Variants in INTS4 observed in about 807,000 individuals in gnomAD.
The protein encoded by INTS4 is integrator complex subunit 4, also known as MSTP093.
A neutral mutation model predicts 119.5 loss-of-function variants in INTS4; 70 were observed. The observed-to-expected ratio is 0.59, with a 90% CI of 0.48 to 0.71. The LOEUF is 0.71. Ranked by LOEUF, INTS4 falls within the 30% of genes least tolerant of loss-of-function variation. The pLI is 0.00. For missense variants in INTS4, 867 were observed against 1,173.2 expected (o/e 0.74, Z 3.81); for synonymous variants, 316 against 419.6 (o/e 0.75, Z 3.02).
intron 7 of INTS4, among the ~76,000 whole-genome samples, chr11:77,956,665 C>T (rs1954329754): frequency 6.6e-6 from 1 of 150,484 alleles, no homozygotes; most frequent in Non-Finnish European, 1.5e-5. Flanking sequence ...CAAGATAGTG[C>T]CACTACACTC....
intron 15 of INTS4, chr11:77,918,371 T>C (rs372140943): frequency 2.7e-6 from 1 of 374,172 alleles, no homozygotes; most frequent in East Asian, 5.8e-5. Flanking sequence ...GAGCTGATAT[T>C]ATGCCACTGC....
At chr11:77,972,544 G>A (rs1289350835) in intron 4 of INTS4, among the ~76,000 whole-genome samples, 1 of 151,734 alleles carries the variant, frequency 6.6e-6, no homozygotes, top group Non-Finnish European at 1.5e-5. Context: ...AGCCTCCCCA[G>A]TAGCTGGGAT....
intron 1 of INTS4, 146 bp from the exon 2 acceptor site, chr11:77,991,445 G>C (rs187872439): frequency 1.0e-4 from 68 of 671,318 alleles, no homozygotes; most frequent in Non-Finnish European, 1.6e-4. Context: ...AAAGAGTACC[G>C]GGTTGGTGAC....
intron 15 of INTS4, among the ~76,000 whole-genome samples, chr11:77,916,284 T>C (rs1381525298): frequency 6.6e-5 from 10 of 152,158 alleles, no homozygotes; most frequent in African/African-American, 2.4e-4. Flanking sequence ...TAGAGTATAT[T>C]TACACAAATC....
At chr11:77,964,522 C>T (rs1023797576) in intron 4 of INTS4, among the ~76,000 whole-genome samples, 11 of 151,508 alleles carry the variant, frequency 7.3e-5, no homozygotes, top group African/African-American at 2.7e-4. Flanking sequence ...TGCAGTGAGC[C>T]GAGATCGCGC....
chr11:77,991,361 T>TG, intron 1 of INTS4, 62 bp from the exon 2 acceptor site: 1 of 1,308,686 alleles, frequency 7.6e-7, no homozygotes, highest in Non-Finnish European at 1.1e-6. Flanking sequence ...CCTCATTTGG[T>TG]GGAAATGATT....
chr11:77,957,786 A>C (rs1954368624), intron 7 of INTS4, among the ~76,000 whole-genome samples: 1 of 148,064 alleles, frequency 6.8e-6, no homozygotes, highest in South Asian at 2.1e-4. Flanking sequence ...CTCCTGCCTC[A>C]GCCTCCCTAG....
At position 77,922,432 on chromosome 11, in the gene INTS4, C is replaced by T. The variant is rs1953386575; in HGVS notation, c.1554G>A (p.Val518=). The change falls in exon 13 of 23, where the codon GTG becomes GTA. Residue 518 remains valine (V), a synonymous_variant. Transcript: ENST00000534064. ...KFLGSRHPTL[V]LPLVPELLST... ...TCAGAAGCTCTGGCACCAAGGGAAGCACCAGGGTTGGATGCCGACTTCCCA... is the reference window on the plus strand; with the variant it reads ...TCAGAAGCTCTGGCACCAAGGGAAGTACCAGGGTTGGATGCCGACTTCCCA... 1 of 1,507,216 alleles carries T rather than the reference C, an allele frequency of 6.6e-7. No homozygotes were observed. The highest frequency in any genetic ancestry group is 8.9e-7 in the Non-Finnish European group (1 of 1,124,162). 93.4% of individuals were successfully genotyped at this position (1,507,216 alleles called of 1,614,324 possible). A position where few individuals can be genotyped will look rare whatever the true frequency, so the allele number is the denominator to read the frequency against.
chr11:77,901,612 T>C (rs1320418839), intron 17 of INTS4, 61 bp from the exon 18 acceptor site: 2 of 1,302,988 alleles, frequency 1.5e-6, no homozygotes, highest in Non-Finnish European at 1.1e-6. Context: ...GAGAGCAGCA[T>C]AGAATTCTAC....
intron 21 of INTS4, among the ~76,000 whole-genome samples, chr11:77,886,527 G>A (rs1047011132): frequency 2.0e-5 from 3 of 152,198 alleles, no homozygotes; most frequent in Non-Finnish European, 4.4e-5. Context: ...TAAACGGCGG[G>A]AGTAACTATG....
chr11:77,988,441 T>G (rs761388251), intron 2 of INTS4, among the ~76,000 whole-genome samples: 1 of 152,068 alleles, frequency 6.6e-6, no homozygotes, highest in South Asian at 2.1e-4. Context: ...AACATAAAAA[T>G]CCCTGCTCAA....
chr11:77,924,116 C>T (rs1953434740), intron 12 of INTS4, among the ~76,000 whole-genome samples: 1 of 150,330 alleles, frequency 6.7e-6, no homozygotes, highest in African/African-American at 2.4e-5. Flanking sequence ...ATAATAAGGC[C>T]AGGCACAGTG....
chr11:77,925,707 G>T (rs1339700067), intron 11 of INTS4, among the ~76,000 whole-genome samples: 1 of 152,138 alleles, frequency 6.6e-6, no homozygotes, highest in African/African-American at 2.4e-5. Flanking sequence ...GGCCTACAAG[G>T]CTCTCCACCT....
intron 4 of INTS4, 54 bp from the exon 5 acceptor site, chr11:77,961,192 T>G: frequency 6.8e-7 from 1 of 1,470,654 alleles, no homozygotes. Context: ...AGGACATGAT[T>G]AAGATATCTT....
intron 4 of INTS4, among the ~76,000 whole-genome samples, chr11:77,971,325 T>G (rs1420156429): frequency 6.6e-6 from 1 of 152,156 alleles, no homozygotes; most frequent in Non-Finnish European, 1.5e-5. Context: ...TTTTTATTAT[T>G]GGGTTGTAAG....
intron 18 of INTS4, 106 bp from the exon 19 acceptor site, chr11:77,894,455 T>A (rs1793336): frequency 3.3e-6 from 2 of 602,100 alleles, no homozygotes; most frequent in Non-Finnish European, 5.9e-6. Context: ...TAGCATATTA[T>A]ACTATAAAAA....
At chr11:77,916,687 G>A (rs190440209) in intron 15 of INTS4, among the ~76,000 whole-genome samples, 2 of 152,296 alleles carry the variant, frequency 1.3e-5, no homozygotes, top group African/African-American at 4.8e-5. Context: ...TCTGCACATG[G>A]ACTACGAAAC....
chr11:77,928,227 A>G, intron 11 of INTS4, 115 bp downstream of exon 11: 2 of 1,083,876 alleles, frequency 1.8e-6, no homozygotes, highest in Non-Finnish European at 2.7e-6. Context: ...TATGGTGAGA[A>G]AACAGAACTG....
At chr11:77,933,675 C>T (rs1322425080) in intron 10 of INTS4, among the ~76,000 whole-genome samples, 1 of 152,012 alleles carries the variant, frequency 6.6e-6, no homozygotes, top group African/African-American at 2.4e-5. Context: ...GCGTCTCTGC[C>T]TGGCCGCCCA....
Sources: allele counts gnomAD v4.1 joint callset (sites outside exome capture counted in the v4.1 genomes callset), GRCh38; gene constraint gnomAD v4.1.1; transcripts MANE v1.5; gene names NCBI Gene and HGNC (gene_info 2026-07-23, HGNC 2026-07-21).